KCNU1: variants seen among roughly 807,000 people sequenced by gnomAD.
KCNU1 encodes potassium channel subfamily U member 1.
A neutral mutation model predicts 126.8 loss-of-function variants in KCNU1; 93 were observed. That is an observed-to-expected ratio of 0.73 (90% confidence interval 0.62 to 0.87). KCNU1 has a LOEUF of 0.87. KCNU1 is among the 40% of genes least tolerant of loss of function. The pLI, the probability that KCNU1 is intolerant of heterozygous loss-of-function variation, is 0.00. For synonymous variants in KCNU1, 523 were observed against 494.2 expected, an observed-to-expected ratio of 1.06 and a Z score of -0.77; for missense variants, 1,330 against 1,367.1, an observed-to-expected ratio of 0.97 and a Z score of 0.43.
intron 22 of KCNU1, among the ~76,000 whole-genome samples, chr8:36,918,589 A>ACC (rs200935098): frequency 6.8e-6 from 1 of 147,238 alleles, no homozygotes; most frequent in African/African-American, 2.5e-5. Context: ...AAGAAGAAAG[A>ACC]CCCCCCCACC....
At chr8:36,924,699 T>C (rs183818250) in intron 24 of KCNU1, among the ~76,000 whole-genome samples, 24 of 152,300 alleles carry the variant, frequency 1.6e-4, no homozygotes, top group Admixed American at 6.5e-4. Context: ...CACTGATATG[T>C]CAATTAACTC....
rs530748514 is a variant in KCNU1 at position 36,827,451 on chromosome 8, A to G, written c.1107-6103A>G. 3.3e-4 allele frequency among the ~76,000 whole-genome samples: 50 copies of G among 152,228 alleles called. 1 individual carries two copies. The highest frequency in any genetic ancestry group is 2.1e-3 in the Admixed American group (32 of 15,292). On this transcript the variant is annotated intron_variant, in intron 10 of 26. Transcript: ENST00000399881. ...CTCAGATTGGTAGCTGCTTCTTCTG[A>G]ATTGTAAAATGCGTTCAGGGGAAGA...
At chr8:36,886,354 C>CAAAA (rs1806703246) in intron 19 of KCNU1, among the ~76,000 whole-genome samples, 1 of 152,024 alleles carries the variant, frequency 6.6e-6, no homozygotes, top group Non-Finnish European at 1.5e-5. Context: ...TGCAAAAAGC[C>CAAAA]AAAAACAAAA....
intron 22 of KCNU1, 98 bp downstream of exon 22, chr8:36,911,217 G>C (rs956885765): frequency 1.4e-5 from 14 of 1,012,246 alleles, no homozygotes; most frequent in Non-Finnish European, 2.0e-5. Flanking sequence ...GGAGCAGGAG[G>C]GTGGGCCAGA....
intron 18 of KCNU1, among the ~76,000 whole-genome samples, chr8:36,855,002 G>T (rs1330321521): frequency 6.6e-6 from 1 of 152,080 alleles, no homozygotes; most frequent in Non-Finnish European, 1.5e-5. Flanking sequence ...CTTTGTCAAA[G>T]GATTCTGTGT....
At chr8:36,796,491 T>A (rs931637663) in intron 2 of KCNU1, among the ~76,000 whole-genome samples, 25 of 152,212 alleles carry the variant, frequency 1.6e-4, no homozygotes, top group African/African-American at 6.0e-4. Flanking sequence ...TTGACTGTCA[T>A]GTATTTCCAG....
intron 19 of KCNU1, among the ~76,000 whole-genome samples, chr8:36,873,270 C>A (rs981321041): frequency 6.6e-6 from 1 of 151,806 alleles, no homozygotes; most frequent in East Asian, 1.9e-4. Context: ...CTGGCCCCAA[C>A]CCCCACCCCT....
intron 22 of KCNU1, among the ~76,000 whole-genome samples, chr8:36,914,875 G>A (rs977416533): frequency 1.1e-4 from 17 of 152,290 alleles, no homozygotes; most frequent in African/African-American, 3.4e-4. Flanking sequence ...TTTTGTAATA[G>A]CACCCTGCCA....
chr8:36,811,442 A>G (rs1418820193), intron 7 of KCNU1, among the ~76,000 whole-genome samples: 1 of 152,210 alleles, frequency 6.6e-6, no homozygotes, highest in East Asian at 1.9e-4. Flanking sequence ...AACATTGGTC[A>G]ATACCAGAAG....
intron 2 of KCNU1, among the ~76,000 whole-genome samples, chr8:36,790,428 G>A (rs371977242): frequency 2.0e-5 from 3 of 150,052 alleles, no homozygotes; most frequent in South Asian, 2.1e-4. Flanking sequence ...TAAAACAGCC[G>A]ATTACTTCAA....
rs764096664 is a variant in KCNU1 at position 36,864,497 on chromosome 8, C to G, written c.1985C>G (p.Ser662Trp). Reference sequence around the variant, plus strand: ...CCGCCAAGGGTATCTGCAAGCACTTCGAGCATATCAAACTTCACCACCAGG... The same window carrying G: ...CCGCCAAGGGTATCTGCAAGCACTTGGAGCATATCAAACTTCACCACCAGG... ...DSPPRVSAST[S>W]SISNFTTRTL... The change falls in exon 19 of 27, where the codon TCG becomes TGG. Residue 662 changes from serine (S) to tryptophan (W), a missense_variant. Physicochemically the swap from Ser to Trp is radical, Grantham distance 177. This residue lies in a region of KCNU1 where 1,054 missense variants were observed against 1,053.9 expected (regional missense o/e 1.00). Transcript: ENST00000399881. 1 of 1,610,620 alleles carries G rather than the reference C, an allele frequency of 6.2e-7. No individual in the cohort carries two copies. The highest frequency in any genetic ancestry group is 1.7e-5 in the Admixed American group (1 of 59,960).
rs565814125 is a variant in KCNU1, at chr8:36,930,019, C to A, written c.2737-932C>A. 9.2e-5 allele frequency among the ~76,000 whole-genome samples: 14 copies of A among 152,044 alleles called. 2 individuals are homozygous for A. The highest frequency in any genetic ancestry group is 3.1e-4 in the African/African-American group (13 of 41,482). On this transcript the variant is annotated intron_variant, in intron 24 of 26. Coordinates refer to ENST00000399881, the MANE Select transcript of KCNU1 (RefSeq NM_001031836.3). ...GAGAAAATAAATGGCAAATGAATAA[C>A]AATTGAAGTTATTCCTGATATTTAT...
chr8:36,834,768 T>C lies in KCNU1; in HGVS notation c.1213-18T>C, dbSNP rs1281291426. On this transcript the variant is annotated intron_variant, in intron 11 of 26. Coordinates refer to ENST00000399881, the MANE Select transcript of KCNU1 (RefSeq NM_001031836.3). ...CATGTAATTAACAAGATGGCTCCTG[T>C]CCGATCTTGAAGGGTAGGTGGAATC... 6.4e-7 allele frequency: 1 copy of C among 1,555,210 alleles called. No individual in the cohort carries two copies. The highest frequency in any genetic ancestry group is 1.7e-5 in the Admixed American group (1 of 59,054).
intron 19 of KCNU1, among the ~76,000 whole-genome samples, chr8:36,896,927 G>A (rs924673336): frequency 1.3e-5 from 2 of 151,932 alleles, no homozygotes; most frequent in Non-Finnish European, 2.9e-5. Context: ...TAAAAGCCAA[G>A]GTTGATTACC....
At chr8:36,853,335 G>A (rs962424876) in intron 18 of KCNU1, among the ~76,000 whole-genome samples, 1 of 152,156 alleles carries the variant, frequency 6.6e-6, no homozygotes, top group Non-Finnish European at 1.5e-5. Flanking sequence ...GGTTGACAGA[G>A]CAAGACTTCT....
rs752811947 is a variant in KCNU1, at chr8:36,931,121, C to T, written c.2907C>T (p.His969=). ...NRCKLGLLSL[H]ETILSDVNPR... The stretch of plus-strand genomic sequence containing the variant: ...GTAAGCTGGGGCTTCTGTCCTTACA[C>T]GAAACCATTTTATCAGACGTTAATG... Residue 969 remains histidine (H), a synonymous_variant, in exon 25 of 27, where the codon CAC becomes CAT. Coordinates refer to ENST00000399881, the MANE Select transcript of KCNU1 (RefSeq NM_001031836.3). The T allele has an allele frequency of 1.6e-5, 26 of 1,608,066 alleles. No homozygotes were observed. Among genetic ancestry groups the T allele is most frequent in the Admixed American group, 6.8e-5 (4 of 58,918 alleles).
rs1025848488 is a variant in KCNU1, at chr8:36,793,684, G to T, written c.315+6259G>T. 2.6e-5 allele frequency among the ~76,000 whole-genome samples: 4 copies of T among 152,152 alleles called. No individual in the cohort carries two copies. The East Asian group carries it at 5.8e-4, about 22-fold the overall frequency. ...ACTAATCAACATGACATTTTATGTT[G>T]TAACTAGGATGATCATAAACACAGA... On this transcript the variant is annotated intron_variant, in intron 2 of 26. Transcript: ENST00000399881.
chr8:36,805,459 G>A (rs923635314), intron 4 of KCNU1, among the ~76,000 whole-genome samples, 174 bp downstream of exon 4: 2 of 152,104 alleles, frequency 1.3e-5, no homozygotes, highest in African/African-American at 4.8e-5. Flanking sequence ...TCTCCTGCAC[G>A]TGAAACGCTA....
In KCNU1 at chr8:36,887,568, G is replaced by A. The variant is rs77605364; in HGVS notation, c.2010-18140G>A. On this transcript the variant is annotated intron_variant, in intron 19 of 26. Transcript: ENST00000399881. Reference sequence around the variant, plus strand: ...TGTAAGAGTGTATCTTCTGGAAACCGGCCAGAACCAATCCATGGTTGATGG... The same window carrying A: ...TGTAAGAGTGTATCTTCTGGAAACCAGCCAGAACCAATCCATGGTTGATGG... 9.6e-3 allele frequency among the ~76,000 whole-genome samples: 1,450 copies of A among 150,348 alleles called. 15 individuals are homozygous for A. The highest frequency in any genetic ancestry group is 0.033 in the African/African-American group (1,333 of 40,908).
Sources: gnomAD v4.1 joint callset for allele counts (sites outside exome capture counted in the v4.1 genomes callset) on GRCh38, gnomAD v4.1.1 for gene constraint, gnomAD v4.1.1 regional missense constraint, MANE v1.5 for transcripts, NCBI Gene and HGNC (gene_info 2026-07-23, HGNC 2026-07-21) for gene names.